The following STAMBPL1 variants were observed in gnomAD, a reference collection of about 807,000 sequenced individuals.
STAMBPL1 encodes STAM binding protein like 1, also known as AMSH-like protease.
A neutral mutation model predicts 52.9 loss-of-function variants in STAMBPL1; 44 were observed. The ratio of observed to expected loss-of-function variants is 0.83; its 90% CI spans 0.65 to 1.07. The LOEUF (loss-of-function observed/expected upper bound fraction) is 1.07, where lower values mean the gene tolerates loss of function less well. STAMBPL1 is among the 50% of genes least tolerant of loss of function. STAMBPL1 has a pLI of 0.00. For synonymous variants in STAMBPL1, 164 were observed against 177.3 expected, an observed-to-expected ratio of 0.92 and a Z score of 0.60; for missense variants, 511 against 520.8, an observed-to-expected ratio of 0.98 and a Z score of 0.18.
Position 88,913,184 on chromosome 10 carries a change from C to T in STAMBPL1, c.504C>T (p.Arg168=). ...EAERKRIAQM[R]QQQLESEQFL... is the part of the protein sequence containing the mutation. ...AAAGGAAGCGGATTGCTCAGATGCGCCAGCAGCAGCTAGAATCGGAGCAGT... is the reference window on the plus strand; with the variant it reads ...AAAGGAAGCGGATTGCTCAGATGCGTCAGCAGCAGCTAGAATCGGAGCAGT... Residue 168 remains arginine, a synonymous_variant, in exon 6 of 11, where the codon CGC becomes CGT. Coordinates refer to ENST00000371926, the MANE Select transcript of STAMBPL1 (RefSeq NM_020799.4). 6.2e-7 allele frequency: 1 copy of T among 1,613,774 alleles called. No homozygotes were observed. The highest frequency in any genetic ancestry group is 8.5e-7 in the Non-Finnish European group (1 of 1,179,804).
chr10:88,889,114 A>T (rs1209626793), intron 1 of STAMBPL1, among the ~76,000 whole-genome samples: 1 of 152,174 alleles, frequency 6.6e-6, no homozygotes, highest in Admixed American at 6.5e-5. Context: ...GTACAAATAG[A>T]TGTAAGTCCT....
At chr10:88,903,391 G>T (rs1174871561) in intron 2 of STAMBPL1, among the ~76,000 whole-genome samples, 1 of 152,120 alleles carries the variant, frequency 6.6e-6, no homozygotes, top group East Asian at 1.9e-4. Flanking sequence ...CACTTATGTG[G>T]CAGGGAATAT....
intron 8 of STAMBPL1, among the ~76,000 whole-genome samples, chr10:88,920,562 G>A (rs1017093083): frequency 7.9e-5 from 12 of 152,092 alleles, no homozygotes; most frequent in South Asian, 2.1e-4. Context: ...AAATAACTAG[G>A]TGTGCATTTA....
At chr10:88,904,251 T>C (rs1719630164) in intron 2 of STAMBPL1, among the ~76,000 whole-genome samples, 1 of 152,182 alleles carries the variant, frequency 6.6e-6, no homozygotes, top group East Asian at 1.9e-4. Context: ...GCCTTGCTTC[T>C]CAAACTGTAC....
intron 7 of STAMBPL1, among the ~76,000 whole-genome samples, chr10:88,915,895 A>T (rs750230465): frequency 6.6e-6 from 1 of 152,120 alleles, no homozygotes; most frequent in Non-Finnish European, 1.5e-5. Flanking sequence ...AAATCAGGGC[A>T]AAGGAGCAGT....
intron 2 of STAMBPL1, among the ~76,000 whole-genome samples, chr10:88,902,552 A>G (rs1358311536): frequency 6.6e-6 from 1 of 151,928 alleles, no homozygotes; most frequent in Non-Finnish European, 1.5e-5. Context: ...TTGTACTGAA[A>G]TAGGTTGTGA....
chr10:88,922,934 C>T (rs1589383538), intron 10 of STAMBPL1, among the ~76,000 whole-genome samples: 1 of 151,722 alleles, frequency 6.6e-6, no homozygotes, highest in South Asian at 2.1e-4. Flanking sequence ...CATCAGAGAA[C>T]ATTATATTGA....
chr10:88,896,405 G>A (rs1844811017), intron 1 of STAMBPL1, among the ~76,000 whole-genome samples: 1 of 152,188 alleles, frequency 6.6e-6, no homozygotes, highest in African/African-American at 2.4e-5. Context: ...ACATGGGAAT[G>A]ACCCTTTACC....
At chr10:88,894,753 T>C (rs951545043) in intron 1 of STAMBPL1, among the ~76,000 whole-genome samples, 19 of 152,242 alleles carry the variant, frequency 1.2e-4, no homozygotes, top group Admixed American at 4.6e-4. Flanking sequence ...ATTGTTAATG[T>C]TGAATTATGA....
chr10:88,896,374 T>A (rs1564623633), intron 1 of STAMBPL1, among the ~76,000 whole-genome samples: 1 of 152,244 alleles, frequency 6.6e-6, no homozygotes, highest in Non-Finnish European at 1.5e-5. Flanking sequence ...GAGATCCTTC[T>A]TTGTGTCTCT....
intron 1 of STAMBPL1, chr10:88,882,418 A>C (rs754087056): frequency 1.3e-5 from 2 of 152,252 alleles, no homozygotes; most frequent in Non-Finnish European, 2.9e-5. Context: ...TACTTTCAGC[A>C]CATAGGACTT....
chr10:88,921,121 G>A (rs367896731), intron 8 of STAMBPL1, among the ~76,000 whole-genome samples, 162 bp from the exon 9 acceptor site: 4 of 152,164 alleles, frequency 2.6e-5, no homozygotes, highest in African/African-American at 9.6e-5. Flanking sequence ...ATAGCAAATA[G>A]TTGGCATAAA....
At position 88,921,287 on chromosome 10, in the gene STAMBPL1, A is replaced by G. The variant is rs1413368773; in HGVS notation, c.1046A>G (p.His349Arg). ...DLLTLGWIHT[H>R]PTQTAFLSSV... The stretch of plus-strand genomic sequence containing the variant: ...TATCTTATTTTCTATTTATAGACAC[A>G]TCCCACTCAAACTGCATTTTTATCC... Residue 349 changes from histidine (H) to arginine (R), a missense_variant, in exon 9 of 11, where the codon CAT (histidine) becomes CGT (arginine). By Grantham distance (29) the His-to-Arg change is conservative (BLOSUM62 0). Around this residue, in one of 3 missense-constraint regions of STAMBPL1, gnomAD observed 137 missense variants for 139.9 expected, o/e 0.98. Transcript: ENST00000371926. The G allele has an allele frequency of 6.2e-7, 1 of 1,612,094 alleles. No individual in the cohort carries two copies. The highest frequency in any genetic ancestry group is 2.2e-5 in the East Asian group (1 of 44,836).
At chr10:88,893,570 C>T (rs1238547992) in intron 1 of STAMBPL1, among the ~76,000 whole-genome samples, 4 of 151,978 alleles carry the variant, frequency 2.6e-5, no homozygotes, top group Admixed American at 6.6e-5. Flanking sequence ...AGTGAAACCC[C>T]GTCTCTACTA....
chr10:88,882,512 G>A (rs1270913808), intron 1 of STAMBPL1: 1 of 152,162 alleles, frequency 6.6e-6, no homozygotes, highest in Non-Finnish European at 1.5e-5. Flanking sequence ...AAATGAGATT[G>A]CATTTTACAA....
intron 7 of STAMBPL1, among the ~76,000 whole-genome samples, chr10:88,915,489 G>A (rs575696257): frequency 3.3e-5 from 5 of 152,266 alleles, no homozygotes; most frequent in East Asian, 1.9e-4. Flanking sequence ...ATCTATAGTC[G>A]CCTCTGTTGC....
At chr10:88,884,255 C>A (rs996195588) in intron 1 of STAMBPL1, among the ~76,000 whole-genome samples, 1 of 152,192 alleles carries the variant, frequency 6.6e-6, no homozygotes, top group Non-Finnish European at 1.5e-5. Flanking sequence ...CATAATGAAA[C>A]GTGGCCGTTC....
intron 9 of STAMBPL1, 32 bp downstream of exon 9, chr10:88,921,427 A>T: frequency 6.3e-7 from 1 of 1,577,534 alleles, no homozygotes; most frequent in Non-Finnish European, 8.7e-7. Flanking sequence ...AGACCAAAGA[A>T]GGCTTTGTCC....
chr10:88,890,600 A>G (rs1844654572), intron 1 of STAMBPL1, among the ~76,000 whole-genome samples: 1 of 152,208 alleles, frequency 6.6e-6, no homozygotes, highest in Non-Finnish European at 1.5e-5. Context: ...CGTTTGCCAG[A>G]TATTTGTGTA....
Sources: allele counts gnomAD v4.1 joint callset (sites outside exome capture counted in the v4.1 genomes callset), GRCh38; gene constraint gnomAD v4.1.1; regional missense constraint gnomAD v4.1.1; transcripts MANE v1.5; gene names NCBI Gene and HGNC (gene_info 2026-07-23, HGNC 2026-07-21).